The following HPSE2 variants were observed in gnomAD, a reference collection of about 807,000 sequenced individuals.
HPSE2 encodes the protein inactive heparanase-2.
A neutral mutation model predicts 60.5 loss-of-function variants in HPSE2; 38 were observed. The ratio of observed to expected loss-of-function variants is 0.63; its 90% CI spans 0.48 to 0.82. The LOEUF is 0.82. Among genes scored for constraint, HPSE2 ranks in the 40% least tolerant of loss-of-function variants. The pLI, the probability that HPSE2 is intolerant of heterozygous loss-of-function variation, is 0.00. For missense variants in HPSE2, 713 were observed against 740.4 expected (o/e 0.96, Z 0.43); for synonymous variants, 295 against 293.2 (o/e 1.01, Z -0.06).
chr10:99,118,546 A>G (rs1260290599), intron 3 of HPSE2, among the ~76,000 whole-genome samples: 3 of 147,692 alleles, frequency 2.0e-5, no homozygotes, highest in Admixed American at 6.8e-5. Flanking sequence ...AAAAAACCAT[A>G]CCTCAAAATA....
intron 3 of HPSE2, among the ~76,000 whole-genome samples, chr10:99,097,498 T>C (rs1448051821): frequency 6.6e-6 from 1 of 152,226 alleles, no homozygotes; most frequent in East Asian, 1.9e-4. Context: ...CAGTAAACTC[T>C]AGCATTCTCT....
chr10:98,743,761 C>T, intron 4 of HPSE2, 122 bp downstream of exon 4: 1 of 895,186 alleles, frequency 1.1e-6, no homozygotes, highest in Non-Finnish European at 1.9e-6. Context: ...ACTCAGTGGC[C>T]AAACATCACA....
intron 3 of HPSE2, among the ~76,000 whole-genome samples, chr10:98,979,102 A>C (rs990842572): frequency 1.1e-4 from 16 of 152,162 alleles, no homozygotes; most frequent in African/African-American, 3.4e-4. Context: ...AGTGTTGCCA[A>C]GTGTTTCTAA....
At position 98,744,293 on chromosome 10, in the gene HPSE2, C is replaced by T. The variant is rs181566950; in HGVS notation, c.611-237G>A. 1.1e-4 allele frequency among the ~76,000 whole-genome samples: 17 copies of T among 152,038 alleles called. No individual in the cohort carries two copies. In the East Asian group the frequency reaches 2.7e-3, roughly 24 times the overall value. On this transcript the variant is annotated intron_variant, in intron 3 of 11. Coordinates refer to ENST00000370552, the MANE Select transcript of HPSE2 (RefSeq NM_021828.5). ...CTGTAATCCCAGCACTTTGGGAGGC[C>T]GAGGTGGGCAGATCACCTAAGGTCG...
At chr10:98,506,386 A>G (rs1288730790) in intron 9 of HPSE2, among the ~76,000 whole-genome samples, 1 of 152,214 alleles carries the variant, frequency 6.6e-6, no homozygotes, top group Non-Finnish European at 1.5e-5. Context: ...AGGAAAATAC[A>G]GTGTTAACCC....
At chr10:98,728,899 C>CT (rs952931505) in intron 4 of HPSE2, among the ~76,000 whole-genome samples, 1 of 152,032 alleles carries the variant, frequency 6.6e-6, no homozygotes, top group African/African-American at 2.4e-5. Flanking sequence ...GTCCCAGCTA[C>CT]TCAGGAGGCT....
At chr10:98,633,539 T>C (rs1462019871) in intron 7 of HPSE2, among the ~76,000 whole-genome samples, 3 of 152,186 alleles carry the variant, frequency 2.0e-5, no homozygotes, top group Non-Finnish European at 4.4e-5. Context: ...ACATTTTCTT[T>C]CTTCTAGCTT....
At chr10:98,581,748 C>T (rs192874385) in intron 9 of HPSE2, among the ~76,000 whole-genome samples, 49 of 152,270 alleles carry the variant, frequency 3.2e-4, no homozygotes, top group Non-Finnish European at 5.3e-4. Context: ...TGCCATGTGC[C>T]AACAATTCTA....
intron 3 of HPSE2, among the ~76,000 whole-genome samples, chr10:98,952,728 G>A (rs997866042): frequency 3.9e-5 from 6 of 152,078 alleles, no homozygotes; most frequent in African/African-American, 1.4e-4. Flanking sequence ...TAGGGTTCTG[G>A]TGAGGGCTCT....
chr10:99,238,336 A>C (rs551950306), upstream of HPSE2, among the ~76,000 whole-genome samples: 1 of 152,174 alleles, frequency 6.6e-6, no homozygotes, highest in African/African-American at 2.4e-5. Flanking sequence ...ATGAGAATGC[A>C]CATAATTATG....
the HPSE2 span, among the ~76,000 whole-genome samples, chr10:99,314,291 T>C: frequency 6.6e-6 from 1 of 152,086 alleles, no homozygotes; most frequent in South Asian, 2.1e-4. Context: ...GCTTCCCAGG[T>C]AGTTGGGACT....
At chr10:99,134,972 A>G (rs542083806) in intron 3 of HPSE2, among the ~76,000 whole-genome samples, 1 of 152,340 alleles carries the variant, frequency 6.6e-6, no homozygotes, top group South Asian at 2.1e-4. Flanking sequence ...CAGGAGACCC[A>G]GCCCACCTGC....
chr10:98,548,688 G>A (rs1943769990), intron 9 of HPSE2, among the ~76,000 whole-genome samples: 1 of 152,032 alleles, frequency 6.6e-6, no homozygotes, highest in African/African-American at 2.4e-5. Context: ...AACAAGTGCT[G>A]ACATAGGCAT....
intron 6 of HPSE2, among the ~76,000 whole-genome samples, chr10:98,655,702 C>A (rs1024868891): frequency 6.6e-6 from 1 of 152,198 alleles, no homozygotes; most frequent in Non-Finnish European, 1.5e-5. Context: ...CATGTCAACA[C>A]TGACCTTTTG....
At chr10:98,536,003 T>G (rs534220938) in intron 9 of HPSE2, among the ~76,000 whole-genome samples, 2 of 152,338 alleles carry the variant, frequency 1.3e-5, no homozygotes, top group South Asian at 4.1e-4. Context: ...ACAGACAGAA[T>G]CTTCTCCCTC....
At chr10:99,146,014 G>T (rs1344196317) in intron 2 of HPSE2, among the ~76,000 whole-genome samples, 1 of 152,144 alleles carries the variant, frequency 6.6e-6, no homozygotes. Context: ...CCAATTTCTT[G>T]AATATGGGTA....
chr10:98,689,187 A>ATTTTC (rs1432764317), intron 6 of HPSE2, among the ~76,000 whole-genome samples: 4 of 151,944 alleles, frequency 2.6e-5, no homozygotes, highest in African/African-American at 9.7e-5. Flanking sequence ...TTTCTGCCAC[A>ATTTTC]TTTTCTTTTT....
intron 3 of HPSE2, among the ~76,000 whole-genome samples, chr10:98,890,496 C>T (rs967989200): frequency 6.6e-6 from 1 of 152,048 alleles, no homozygotes; most frequent in Non-Finnish European, 1.5e-5. Context: ...ATAAAATGTA[C>T]ATACTTGTAT....
chr10:99,106,993 C>CA (rs1844273784), intron 3 of HPSE2, among the ~76,000 whole-genome samples: 1 of 152,086 alleles, frequency 6.6e-6, no homozygotes, highest in African/African-American at 2.4e-5. Flanking sequence ...GCCTCAGCCT[C>CA]CCCAGTAGTT....
Sources: gnomAD v4.1 joint callset for allele counts (sites outside exome capture counted in the v4.1 genomes callset) on GRCh38, gnomAD v4.1.1 for gene constraint, MANE v1.5 for transcripts, NCBI Gene and HGNC (gene_info 2026-07-23, HGNC 2026-07-21) for gene names.